The following IGSF11 variants were observed in gnomAD, a reference collection of about 807,000 sequenced individuals.
IGSF11 encodes the protein immunoglobulin superfamily member 11.
In IGSF11, 22 loss-of-function variants were observed where a neutral mutation model predicts 41.0. That is an observed-to-expected ratio of 0.54 (90% CI 0.38 to 0.77). IGSF11 has a LOEUF of 0.77. Among genes scored for constraint, IGSF11 ranks in the 30% least tolerant of loss-of-function variants. The pLI is 0.00. For synonymous variants in IGSF11, 219 were observed against 201.3 expected, an observed-to-expected ratio of 1.09 and a Z score of -0.74; for missense variants, 444 against 530.8, an observed-to-expected ratio of 0.84 and a Z score of 1.61.
chr3:119,000,913 G>C (rs1184841081), intron 1 of IGSF11, among the ~76,000 whole-genome samples: 1 of 152,102 alleles, frequency 6.6e-6, no homozygotes, highest in Non-Finnish European at 1.5e-5. Context: ...TTCACCCAAA[G>C]TAAAAGCCAA....
intron 1 of IGSF11, among the ~76,000 whole-genome samples, chr3:118,978,546 G>C (rs929369463): frequency 6.6e-6 from 1 of 152,154 alleles, no homozygotes; most frequent in African/African-American, 2.4e-5. Flanking sequence ...CCAAGGGCAG[G>C]CACAGTCAGC....
chr3:119,127,492 T>C (rs2077419550), intron 1 of IGSF11, among the ~76,000 whole-genome samples: 1 of 152,116 alleles, frequency 6.6e-6, no homozygotes, highest in Non-Finnish European at 1.5e-5. Context: ...TATGATCTCC[T>C]GGGAAGATCC....
At chr3:119,035,475 C>T (rs1001415226), upstream of IGSF11, among the ~76,000 whole-genome samples, 1 of 152,166 alleles carries the variant, frequency 6.6e-6, no homozygotes, top group Non-Finnish European at 1.5e-5. Flanking sequence ...TCTTCTCTTG[C>T]CCCTTTTGTA....
intron 1 of IGSF11, among the ~76,000 whole-genome samples, chr3:119,084,761 G>A (rs1190883207): frequency 6.6e-6 from 1 of 152,214 alleles, no homozygotes; most frequent in East Asian, 1.9e-4. Context: ...CTGGCAGTTT[G>A]TAAGCCCTTC....
At chr3:119,017,703 A>T (rs1338367009) in intron 1 of IGSF11, among the ~76,000 whole-genome samples, 1 of 149,882 alleles carries the variant, frequency 6.7e-6, no homozygotes, top group African/African-American at 2.5e-5. Flanking sequence ...GGCATTCAAA[A>T]TTTTTTTTTC....
chr3:118,910,257 CCACT>C (rs1462729983), intron 4 of IGSF11, among the ~76,000 whole-genome samples: 1 of 152,186 alleles, frequency 6.6e-6, no homozygotes, highest in Non-Finnish European at 1.5e-5. Context: ...TCCCAGGAGA[CCACT>C]AACTCACTGC....
intron 3 of IGSF11, among the ~76,000 whole-genome samples, chr3:118,926,831 A>C (rs576035354): frequency 1.3e-5 from 2 of 152,320 alleles, no homozygotes; most frequent in Non-Finnish European, 2.9e-5. Context: ...GACACAAAAA[A>C]CATGGAACAA....
At chr3:119,014,800 C>G (rs1269913861) in intron 1 of IGSF11, among the ~76,000 whole-genome samples, 1 of 152,172 alleles carries the variant, frequency 6.6e-6, no homozygotes, top group African/African-American at 2.4e-5. Context: ...ATCTACAATT[C>G]CAGGGCTGTA....
chr3:119,060,770 C>A (rs1258593002), intron 1 of IGSF11, among the ~76,000 whole-genome samples: 1 of 152,138 alleles, frequency 6.6e-6, no homozygotes, highest in Non-Finnish European at 1.5e-5. Context: ...GCACCCTGAT[C>A]AACAATTGGA....
intron 1 of IGSF11, among the ~76,000 whole-genome samples, chr3:118,935,029 C>T (rs1036899405): frequency 6.6e-6 from 1 of 151,862 alleles, no homozygotes; most frequent in African/African-American, 2.4e-5. Flanking sequence ...AAGAAAAGCC[C>T]TGACCTCTCA....
At chr3:119,065,937 C>G (rs553989599) in intron 1 of IGSF11, among the ~76,000 whole-genome samples, 3 of 151,878 alleles carry the variant, frequency 2.0e-5, no homozygotes, top group East Asian at 3.9e-4. Context: ...TAATTTTCAT[C>G]AGGGGAGGGC....
upstream of IGSF11, among the ~76,000 whole-genome samples, chr3:119,107,186 T>G (rs2077046554): frequency 6.6e-6 from 1 of 152,202 alleles, no homozygotes; most frequent in African/African-American, 2.4e-5. Flanking sequence ...ATGGTTGAAC[T>G]AGTTTACAGT....
chr3:119,025,812 G>T (rs1939766473), intron 1 of IGSF11, among the ~76,000 whole-genome samples: 1 of 152,032 alleles, frequency 6.6e-6, no homozygotes, highest in Non-Finnish European at 1.5e-5. Flanking sequence ...AATGTATAGG[G>T]TATATGTACA....
At chr3:119,057,236 C>T (rs573296558) in intron 1 of IGSF11, among the ~76,000 whole-genome samples, 2 of 152,282 alleles carry the variant, frequency 1.3e-5, no homozygotes, top group Admixed American at 6.5e-5. Flanking sequence ...ATCGTCTCAG[C>T]CCAAAATCTC....
intron 1 of IGSF11, among the ~76,000 whole-genome samples, chr3:119,112,048 G>T (rs2077172970): frequency 6.6e-6 from 1 of 152,196 alleles, no homozygotes; most frequent in Non-Finnish European, 1.5e-5. Flanking sequence ...AGGGGTCTGG[G>T]ACCCACTTGA....
intron 1 of IGSF11, among the ~76,000 whole-genome samples, chr3:119,061,365 CTCTT>C (rs977756075): frequency 1.3e-5 from 2 of 152,168 alleles, no homozygotes; most frequent in Non-Finnish European, 2.9e-5. Context: ...AAGTACCTCT[CTCTT>C]TCTGCTCCAG....
At chr3:119,135,479 T>C (rs1046524472) in intron 1 of IGSF11, among the ~76,000 whole-genome samples, 8 of 152,138 alleles carry the variant, frequency 5.3e-5, no homozygotes, top group Admixed American at 2.0e-4. Flanking sequence ...TCATCACTGG[T>C]CATCAGAGAA....
At chr3:118,905,204 T>C (rs1402409808) in intron 5 of IGSF11, among the ~76,000 whole-genome samples, 5 of 152,120 alleles carry the variant, frequency 3.3e-5, no homozygotes, top group Admixed American at 2.0e-4. Context: ...AATTCTCAAC[T>C]AAAGAGAAGT....
chr3:119,128,637 TCAAAAAAGAC>T (rs529705756), intron 1 of IGSF11, among the ~76,000 whole-genome samples: 162 of 150,946 alleles, frequency 1.1e-3, no homozygotes, highest in African/African-American at 3.9e-3. Context: ...CCAAAAAAGA[TCAAAAAAGAC>T]AAAGAAGGGT....
Sources: gnomAD v4.1 joint callset for allele counts (sites outside exome capture counted in the v4.1 genomes callset) on GRCh38, gnomAD v4.1.1 for gene constraint, MANE v1.5 for transcripts, NCBI Gene and HGNC (gene_info 2026-07-23, HGNC 2026-07-21) for gene names.